TNFRSF10D: variants seen among roughly 807,000 people sequenced by gnomAD.
TNFRSF10D encodes tumor necrosis factor receptor superfamily member 10D.
In TNFRSF10D, 28 loss-of-function variants were observed where a neutral mutation model predicts 42.1. The observed-to-expected ratio is 0.66, with a 90% CI of 0.49 to 0.91. TNFRSF10D has a LOEUF of 0.91. Among genes scored for constraint, TNFRSF10D ranks in the 40% least tolerant of loss-of-function variants. The probability of loss-of-function intolerance (pLI) is 0.00; values close to 1 mark genes in which losing one functional copy is unlikely to be tolerated. For synonymous variants in TNFRSF10D, 186 were observed against 189.4 expected, an observed-to-expected ratio of 0.98 and a Z score of 0.15; for missense variants, 503 against 486.1, an observed-to-expected ratio of 1.03 and a Z score of -0.33.
intron 7 of TNFRSF10D, among the ~76,000 whole-genome samples, chr8:23,143,451 A>G (rs1394074288): frequency 2.0e-5 from 3 of 152,168 alleles, no homozygotes. Context: ...CAACATAGCA[A>G]GATCAGATCT....
chr8:23,157,243 ACTCCGAGCACTGTTAG>A (rs1800294207), intron 1 of TNFRSF10D, among the ~76,000 whole-genome samples: 1 of 151,800 alleles, frequency 6.6e-6, no homozygotes, highest in South Asian at 2.1e-4. Context: ...GTATTATTTC[ACTCCGAGCACTGTTAG>A]CCATTTCCCA....
intron 1 of TNFRSF10D, among the ~76,000 whole-genome samples, chr8:23,160,940 C>T (rs1331327465): frequency 6.6e-6 from 1 of 152,274 alleles, no homozygotes; most frequent in African/African-American, 2.4e-5. Flanking sequence ...AACTCTGGCT[C>T]CTCTGTTCCT....
chr8:23,143,736 C>T (rs2128836295), intron 7 of TNFRSF10D, among the ~76,000 whole-genome samples: 2 of 152,254 alleles, frequency 1.3e-5, no homozygotes, highest in South Asian at 4.2e-4. Context: ...TCAGGGAATT[C>T]CTCACTTCAC....
intron 1 of TNFRSF10D, among the ~76,000 whole-genome samples, chr8:23,159,862 C>G (rs991744935): frequency 6.6e-6 from 1 of 151,244 alleles, no homozygotes; most frequent in Non-Finnish European, 1.5e-5. Context: ...TACTCCATCT[C>G]AAGAAAAAAG....
At chr8:23,163,622 G>C (rs1346161279) in intron 1 of TNFRSF10D, among the ~76,000 whole-genome samples, 164 bp downstream of exon 1, 1 of 152,094 alleles carries the variant, frequency 6.6e-6, no homozygotes, top group African/African-American at 2.4e-5. Context: ...CCCAGCCCGG[G>C]CACCCCACTC....
At chr8:23,147,212 C>CGG in intron 3 of TNFRSF10D, 140 bp from the exon 4 acceptor site, 1 of 667,206 alleles carries the variant, frequency 1.5e-6, no homozygotes, top group Non-Finnish European at 2.7e-6. Context: ...CCAGCACACT[C>CGG]GGGACTCATA....
intron 7 of TNFRSF10D, among the ~76,000 whole-genome samples, chr8:23,139,972 C>T (rs1031998399): frequency 1.3e-5 from 2 of 152,080 alleles, no homozygotes; most frequent in African/African-American, 4.8e-5. Context: ...GGTGAAACCC[C>T]GTCTCTACTA....
At chr8:23,146,402 A>C (rs1800120838) in intron 4 of TNFRSF10D, among the ~76,000 whole-genome samples, 1 of 152,126 alleles carries the variant, frequency 6.6e-6, no homozygotes, top group East Asian at 1.9e-4. Flanking sequence ...CAAATAGGAT[A>C]AAGAAGGACT....
chr8:23,139,365 G>A (rs10112528), intron 7 of TNFRSF10D, among the ~76,000 whole-genome samples: 2,610 of 152,176 alleles, frequency 0.017, 67 homozygotes, highest in African/African-American at 0.055. Context: ...ATTTTAAAGC[G>A]AATTGATAAA....
chr8:23,153,095 C>CAG (rs1441192299), intron 2 of TNFRSF10D, among the ~76,000 whole-genome samples: 765 of 151,826 alleles, frequency 5.0e-3, no homozygotes, highest in African/African-American at 0.016. Context: ...CTGATTGTGA[C>CAG]AGATACCAAG....
At chr8:23,160,568 T>C (rs1020874078) in intron 1 of TNFRSF10D, among the ~76,000 whole-genome samples, 2 of 152,342 alleles carry the variant, frequency 1.3e-5, no homozygotes, top group African/African-American at 2.4e-5. Context: ...CCTGCCCTCA[T>C]GTCCCCTGGT....
At chr8:23,144,766 C>A in intron 6 of TNFRSF10D, 131 bp from the exon 7 acceptor site, 1 of 1,155,274 alleles carries the variant, frequency 8.7e-7, no homozygotes, top group South Asian at 1.5e-5. Flanking sequence ...CTCAGCACAT[C>A]CAGGACCCCA....
intron 2 of TNFRSF10D, among the ~76,000 whole-genome samples, chr8:23,149,006 C>G (rs576865774): frequency 6.6e-6 from 1 of 151,352 alleles, no homozygotes; most frequent in Non-Finnish European, 1.5e-5. Context: ...CTGGCTAACA[C>G]AGTGAAACCC....
At position 23,163,883 on chromosome 8, in the gene TNFRSF10D, C is replaced by A. The variant is rs1024113796; in HGVS notation, c.53G>T (p.Arg18Leu). 5.6e-6 allele frequency: 9 copies of A among 1,597,450 alleles called. No homozygotes were observed. Among genetic ancestry groups the A allele is most frequent in the Non-Finnish European group, 5.1e-6 (6 of 1,173,854 alleles). ...VPTASSARAGRYPGARTASGT... is the reference protein window; with the variant it reads ...VPTASSARAGLYPGARTASGT... ...CGACGCTGTCCTGGCTCCTGGATAG[C>A]GCCCTGCTCGAGCGCTCGAGGCGGT... The change falls in exon 1 of 9, where the codon CGC becomes CTC. Residue 18 changes from arginine to leucine, a missense_variant. Arg to Leu is a moderately radical substitution (Grantham distance 102). Transcript: ENST00000312584.
At position 23,156,804 on chromosome 8, in the gene TNFRSF10D, C is replaced by T. The variant is rs114369024; in HGVS notation, c.151-1825G>A. On this transcript the variant is annotated intron_variant, in intron 1 of 8. Coordinates refer to ENST00000312584, the MANE Select transcript of TNFRSF10D (RefSeq NM_003840.5). ...GGCTGGTCTAACTCCTGAGCTCAAG[C>T]GTTCTGCCTGCCTGAGCCTCCCAAA... Among the ~76,000 whole-genome samples, 1,111 of 151,828 alleles carry T rather than the reference C, an allele frequency of 7.3e-3. 3 individuals carry two copies. Among genetic ancestry groups the T allele is most frequent in the African/African-American group, 0.024 (976 of 41,180 alleles).
In TNFRSF10D at chr8:23,138,241, C is replaced by G. The variant is rs1814376593; in HGVS notation, c.974G>C (p.Gly325Ala). ...AACCAGCAGCCTCCTCCTCTGACAC[C>G]CTTCAGCTTCTGCCTGTTCCTGTAA... ...QRLLEQAEAE[G>A]CQRRRLLVPV... The change falls in exon 8 of 9, where the codon GGG becomes GCG. Residue 325 changes from glycine (G) to alanine (A), a missense_variant. Coordinates refer to ENST00000312584, the MANE Select transcript of TNFRSF10D (RefSeq NM_003840.5). 1 of 1,614,068 alleles carries G rather than the reference C, an allele frequency of 6.2e-7. No homozygotes were observed.
intron 2 of TNFRSF10D, among the ~76,000 whole-genome samples, chr8:23,148,991 C>T (rs372700876): frequency 1.9e-4 from 29 of 151,476 alleles, no homozygotes; most frequent in South Asian, 8.4e-4. Flanking sequence ...GAGATCGAGA[C>T]CATCCTGGCT....
At chr8:23,153,427 C>A (rs188249058) in intron 2 of TNFRSF10D, among the ~76,000 whole-genome samples, 868 of 151,902 alleles carry the variant, frequency 5.7e-3, no homozygotes, top group African/African-American at 0.018. Flanking sequence ...AACAGAGTGA[C>A]GAGACAACAT....
At chr8:23,140,983 A>C (rs1814457090) in intron 7 of TNFRSF10D, among the ~76,000 whole-genome samples, 1 of 152,218 alleles carries the variant, frequency 6.6e-6, no homozygotes, top group South Asian at 2.1e-4. Context: ...AGAACAACGA[A>C]AACTAGACCC....
Sources: allele counts gnomAD v4.1 joint callset (sites outside exome capture counted in the v4.1 genomes callset), GRCh38; gene constraint gnomAD v4.1.1; transcripts MANE v1.5; gene names NCBI Gene and HGNC (gene_info 2026-07-23, HGNC 2026-07-21).